The following PTPRD variants were observed in gnomAD, a reference collection of about 807,000 sequenced individuals.
PTPRD encodes protein tyrosine phosphatase receptor type D, also known as receptor-type tyrosine-protein phosphatase delta.
A neutral mutation model predicts 214.5 loss-of-function variants in PTPRD; 34 were observed. The observed-to-expected ratio is 0.16, with a 90% CI of 0.12 to 0.21. The LOEUF (loss-of-function observed/expected upper bound fraction) is 0.21. PTPRD is among the 10% of genes least tolerant of loss of function. The pLI is 1.00. For missense variants in PTPRD, 2,545 were observed against 2,398.7 expected, an observed-to-expected ratio of 1.06 and a Z score of -1.27; for synonymous variants, 1,128 against 845.7, an observed-to-expected ratio of 1.33 and a Z score of -5.79.
At chr9:8,705,269 G>T (rs960005873) in intron 12 of PTPRD, among the ~76,000 whole-genome samples, 7 of 152,230 alleles carry the variant, frequency 4.6e-5, no homozygotes, top group African/African-American at 1.7e-4. Flanking sequence ...CACCCAGACT[G>T]GAGTGCAGTG....
At chr9:10,043,314 A>C (rs542962113) in intron 3 of PTPRD, among the ~76,000 whole-genome samples, 12 of 152,064 alleles carry the variant, frequency 7.9e-5, no homozygotes, top group Non-Finnish European at 2.9e-5. Context: ...TAGCATATCC[A>C]TTGCTTTACT....
chr9:10,360,233 T>G (rs2097352471), intron 2 of PTPRD, among the ~76,000 whole-genome samples: 1 of 152,242 alleles, frequency 6.6e-6, no homozygotes, highest in Admixed American at 6.5e-5. Flanking sequence ...CAGAGCAAGT[T>G]GGATTATCAA....
intron 35 of PTPRD, among the ~76,000 whole-genome samples, chr9:8,420,994 C>T (rs951392822): frequency 6.6e-6 from 1 of 151,964 alleles, no homozygotes; most frequent in African/African-American, 2.4e-5. Context: ...GGGAGGTCCA[C>T]CAAGGAAAGC....
At chr9:8,581,242 T>C (rs1005738100) in intron 14 of PTPRD, among the ~76,000 whole-genome samples, 7 of 151,890 alleles carry the variant, frequency 4.6e-5, no homozygotes, top group African/African-American at 1.7e-4. Context: ...TTTCCAGTCA[T>C]TAAAATGGAA....
chr9:10,330,527 G>A (rs975372560), intron 3 of PTPRD, among the ~76,000 whole-genome samples: 2 of 151,708 alleles, frequency 1.3e-5, no homozygotes, highest in Admixed American at 6.6e-5. Context: ...TAATCAAAGG[G>A]TATCAATATT....
chr9:9,299,124 A>G (rs1047135057), intron 9 of PTPRD, among the ~76,000 whole-genome samples: 4 of 151,802 alleles, frequency 2.6e-5, no homozygotes, highest in African/African-American at 9.7e-5. Context: ...TCTCCAGCAA[A>G]TATAGGGAGG....
At chr9:10,471,817 C>T (rs1566299236) in intron 2 of PTPRD, among the ~76,000 whole-genome samples, 1 of 151,806 alleles carries the variant, frequency 6.6e-6, no homozygotes, top group African/African-American at 2.4e-5. Context: ...TCAATTTTAG[C>T]TTTAAAATGA....
intron 8 of PTPRD, among the ~76,000 whole-genome samples, chr9:9,471,177 T>C (rs1441141254): frequency 1.3e-5 from 2 of 152,240 alleles, no homozygotes; most frequent in Non-Finnish European, 1.5e-5. Context: ...TTCCCAGACA[T>C]ATTTTAATTC....
At chr9:10,203,501 A>C (rs1009957359) in intron 3 of PTPRD, among the ~76,000 whole-genome samples, 1 of 152,074 alleles carries the variant, frequency 6.6e-6, no homozygotes, top group African/African-American at 2.4e-5. Context: ...TGTTGAGGGT[A>C]AGGCATCTAT....
At chr9:9,346,069 C>T (rs188208971) in intron 9 of PTPRD, among the ~76,000 whole-genome samples, 3 of 152,134 alleles carry the variant, frequency 2.0e-5, no homozygotes, top group Non-Finnish European at 2.9e-5. Flanking sequence ...CTGGAAGCTC[C>T]CTCACGTAGT....
In PTPRD at chr9:10,208,044, C is replaced by T. The variant is rs188602781; in HGVS notation, c.-545+132919G>A. ...ACATAAATAGAGCATCAGAAGTTGT[C>T]GATCATAAACCTAAATATAGCTCTA... On this transcript the variant is annotated intron_variant, in intron 3 of 45. Coordinates refer to ENST00000381196, the MANE Select transcript of PTPRD (RefSeq NM_002839.4). Among the ~76,000 whole-genome samples, 555 of 152,226 alleles carry T rather than the reference C, an allele frequency of 3.6e-3. 5 individuals carry two copies. The highest frequency in any genetic ancestry group is 0.013 in the African/African-American group (527 of 41,540).
chr9:8,785,257 C>T (rs903710491), intron 11 of PTPRD, among the ~76,000 whole-genome samples: 3 of 152,090 alleles, frequency 2.0e-5, no homozygotes, highest in African/African-American at 7.2e-5. Context: ...AAACACTAAT[C>T]AATGAAAGAG....
At chr9:9,065,178 A>G (rs997167767) in intron 10 of PTPRD, among the ~76,000 whole-genome samples, 3 of 152,194 alleles carry the variant, frequency 2.0e-5, no homozygotes, top group African/African-American at 7.2e-5. Flanking sequence ...AAGCAAATTA[A>G]TTAAAAAGTG....
intron 33 of PTPRD, among the ~76,000 whole-genome samples, chr9:8,456,668 C>T (rs1472517398): frequency 6.6e-6 from 1 of 152,082 alleles, no homozygotes; most frequent in African/African-American, 2.4e-5. Context: ...TGCAGAGAGC[C>T]AGTGTTGGAG....
chr9:9,461,287 CA>C (rs2093633117), intron 8 of PTPRD, among the ~76,000 whole-genome samples: 1 of 151,944 alleles, frequency 6.6e-6, no homozygotes, highest in Admixed American at 6.6e-5. Context: ...ACAATATACC[CA>C]TGTAACATAC....
chr9:8,857,348 CG>C (rs1045888327), intron 11 of PTPRD, among the ~76,000 whole-genome samples: 1 of 152,176 alleles, frequency 6.6e-6, no homozygotes, highest in Non-Finnish European at 1.5e-5. Flanking sequence ...GAGGAGAGAG[CG>C]GGGGTCGCAC....
At position 9,406,960 on chromosome 9, in the gene PTPRD, T is replaced by C. The variant is rs142897459; in HGVS notation, c.-236-9478A>G. On this transcript the variant is annotated intron_variant, in intron 8 of 45. Transcript: ENST00000381196. The stretch of plus-strand genomic sequence containing the variant: ...GGAGCTCAACAGATTAGATTTGAAT[T>C]AGGAGTTTGCCATTAGCATTGTGAA... Among the ~76,000 whole-genome samples, 307 of 151,770 alleles carry C rather than the reference T, an allele frequency of 2.0e-3. 5 individuals are homozygous for C. Among genetic ancestry groups the C allele is most frequent in the Admixed American group, 0.018 (275 of 15,216 alleles).
intron 6 of PTPRD, among the ~76,000 whole-genome samples, chr9:9,752,468 C>A (rs568515464): frequency 6.6e-6 from 1 of 152,116 alleles, no homozygotes; most frequent in South Asian, 2.1e-4. Flanking sequence ...AAAGCTGACA[C>A]TGGAATCCTT....
chr9:10,015,876 C>T (rs1424930936), intron 4 of PTPRD, among the ~76,000 whole-genome samples: 2 of 151,606 alleles, frequency 1.3e-5, no homozygotes, highest in Non-Finnish European at 2.9e-5. Context: ...ATTTCAGGAT[C>T]ACATTGAGAA....
Sources: gnomAD v4.1 joint callset for allele counts (sites outside exome capture counted in the v4.1 genomes callset) on GRCh38, gnomAD v4.1.1 for gene constraint, MANE v1.5 for transcripts, NCBI Gene and HGNC (gene_info 2026-07-23, HGNC 2026-07-21) for gene names.